Variants in GRXCR2 observed in about 807,000 individuals in gnomAD.
GRXCR2 encodes the protein glutaredoxin and cysteine rich domain containing 2, also known as glutaredoxin domain-containing cysteine-rich protein 2.
GRXCR2 carries 23 observed loss-of-function variants against 24.8 expected under a neutral mutation model. That is an observed-to-expected ratio of 0.93 (90% CI 0.67 to 1.32). GRXCR2 has a LOEUF of 1.32. Among genes scored for constraint, GRXCR2 ranks in the 40% most tolerant of loss-of-function variants. The pLI is 0.00. For missense variants in GRXCR2, 315 were observed against 303.4 expected, an observed-to-expected ratio of 1.04 and a Z score of -0.28; for synonymous variants, 130 against 116.1, an observed-to-expected ratio of 1.12 and a Z score of -0.77.
At chr5:145,882,781 ATC>A (rs1756721617) in intron 2 of GRXCR2, among the ~76,000 whole-genome samples, 1 of 152,188 alleles carries the variant, frequency 6.6e-6, no homozygotes, top group South Asian at 2.1e-4. Context: ...CCAAATGTCC[ATC>A]AGTGATAGAC....
chr5:145,919,323 A>G (rs894601761), intron 2 of GRXCR2, among the ~76,000 whole-genome samples: 1 of 152,218 alleles, frequency 6.6e-6, no homozygotes, highest in South Asian at 2.1e-4. Flanking sequence ...TCCTCCATAG[A>G]AACCACAATT....
At chr5:145,868,726 C>T (rs1398187022) in intron 1 of GRXCR2, among the ~76,000 whole-genome samples, 1 of 152,140 alleles carries the variant, frequency 6.6e-6, no homozygotes, top group Non-Finnish European at 1.5e-5. Flanking sequence ...CTACTCCAAA[C>T]CCCTGTTTCT....
At chr5:145,889,172 A>AAAAGAAAGAAGG (rs1554105331) in intron 2 of GRXCR2, among the ~76,000 whole-genome samples, 1 of 83,984 alleles carries the variant, frequency 1.2e-5, no homozygotes, top group Non-Finnish European at 2.3e-5. Flanking sequence ...CTGTCTCAAA[A>AAAAGAAAGAAGG]AAAGAAAGAA....
intron 2 of GRXCR2, among the ~76,000 whole-genome samples, chr5:145,894,000 C>T (rs1201521662): frequency 6.6e-6 from 1 of 152,204 alleles, no homozygotes; most frequent in Admixed American, 6.5e-5. Context: ...CGCTCAACTA[C>T]ATGGAAACTG....
intron 2 of GRXCR2, among the ~76,000 whole-genome samples, chr5:145,916,302 T>G (rs751135915): frequency 1.3e-5 from 2 of 152,180 alleles, no homozygotes; most frequent in Non-Finnish European, 2.9e-5. Context: ...AAAAAGCTTA[T>G]TATTAGGGGA....
chr5:145,894,462 TC>T (rs1222612006), intron 2 of GRXCR2, among the ~76,000 whole-genome samples: 1 of 152,098 alleles, frequency 6.6e-6, no homozygotes, highest in Non-Finnish European at 1.5e-5. Context: ...TCACCACTGA[TC>T]CCACAGAAAT....
chr5:145,915,075 C>G (rs1291479281), intron 2 of GRXCR2, among the ~76,000 whole-genome samples: 2 of 152,142 alleles, frequency 1.3e-5, no homozygotes, highest in Non-Finnish European at 1.5e-5. Flanking sequence ...CTTAAGTGAT[C>G]TTAACCTACC....
chr5:145,859,720 CA>C lies in GRXCR2; in HGVS notation c.*12del. ...GGAGGGTAAGATAACAGTGGACATGCAAAAGCCACGGGCTATTGATTGCAAA... is the reference window on the plus strand; with the variant it reads ...GGAGGGTAAGATAACAGTGGACATGCAAAGCCACGGGCTATTGATTGCAAA... On this transcript the variant is annotated 3_prime_UTR_variant, in exon 3 of 3. Transcript: ENST00000377976. 4 of 1,613,666 alleles carry C rather than the reference CA, an allele frequency of 2.5e-6. No individual in the cohort carries two copies. Among genetic ancestry groups the C allele is most frequent in the Non-Finnish European group, 3.4e-6 (4 of 1,179,668 alleles).
chr5:145,875,934 C>T (rs1372594619), upstream of GRXCR2, among the ~76,000 whole-genome samples: 1 of 152,014 alleles, frequency 6.6e-6, no homozygotes, highest in Non-Finnish European at 1.5e-5. Flanking sequence ...GAGGCTGAGG[C>T]AGGAGGGTTG....
At chr5:145,894,196 T>C (rs1337915375) in intron 2 of GRXCR2, among the ~76,000 whole-genome samples, 2 of 151,830 alleles carry the variant, frequency 1.3e-5, no homozygotes, top group Non-Finnish European at 2.9e-5. Context: ...GATCTAAAAT[T>C]GACACCCTAA....
intron 1 of GRXCR2, among the ~76,000 whole-genome samples, chr5:145,870,588 T>C (rs188850161): frequency 9.2e-5 from 14 of 152,370 alleles, no homozygotes; most frequent in Non-Finnish European, 1.8e-4. Flanking sequence ...CTTTGAATTA[T>C]TGCACTTAAT....
chr5:145,879,913 G>A (rs910799726), intron 2 of GRXCR2, among the ~76,000 whole-genome samples: 1 of 152,126 alleles, frequency 6.6e-6, no homozygotes, highest in African/African-American at 2.4e-5. Flanking sequence ...ACAACTACAT[G>A]GAAACTGAAC....
At chr5:145,890,856 T>C (rs747856308) in intron 2 of GRXCR2, among the ~76,000 whole-genome samples, 7 of 151,308 alleles carry the variant, frequency 4.6e-5, no homozygotes, top group Non-Finnish European at 5.9e-5. Context: ...AAAAGACTCA[T>C]TGACCTGCTG....
At chr5:145,913,940 A>G (rs754822865) in intron 2 of GRXCR2, among the ~76,000 whole-genome samples, 2 of 152,252 alleles carry the variant, frequency 1.3e-5, no homozygotes, top group Non-Finnish European at 2.9e-5. Flanking sequence ...GCTATGAAAC[A>G]CACTCAGGCG....
intron 2 of GRXCR2, among the ~76,000 whole-genome samples, chr5:145,890,861 C>G (rs1035853346): frequency 4.0e-5 from 6 of 151,482 alleles, no homozygotes; most frequent in Non-Finnish European, 4.4e-5. Context: ...ACTCATTGAC[C>G]TGCTGTCTTC....
intron 2 of GRXCR2, among the ~76,000 whole-genome samples, chr5:145,917,346 TC>T: frequency 6.6e-6 from 1 of 152,230 alleles, no homozygotes; most frequent in East Asian, 1.9e-4. Context: ...TGTTCTGGTC[TC>T]CCCACAGTTG....
chr5:145,901,164 G>C (rs1293103492), intron 2 of GRXCR2, among the ~76,000 whole-genome samples: 1 of 141,160 alleles, frequency 7.1e-6, no homozygotes, highest in Non-Finnish European at 1.5e-5. Flanking sequence ...AAGGAGGGAG[G>C]GGGGCAAGAG....
intron 2 of GRXCR2, among the ~76,000 whole-genome samples, chr5:145,912,664 C>T (rs901593213): frequency 2.1e-4 from 32 of 152,112 alleles, no homozygotes; most frequent in African/African-American, 5.3e-4. Context: ...GCAGTGGAGA[C>T]GCCACAGAAG....
intron 2 of GRXCR2, among the ~76,000 whole-genome samples, chr5:145,889,227 A>G (rs1283927790): frequency 2.0e-5 from 3 of 150,186 alleles, no homozygotes; most frequent in African/African-American, 4.9e-5. Flanking sequence ...AAAGAAAGAA[A>G]GAAAGAAAGA....
Sources: gnomAD v4.1 joint callset for allele counts (sites outside exome capture counted in the v4.1 genomes callset) on GRCh38, gnomAD v4.1.1 for gene constraint, MANE v1.5 for transcripts, NCBI Gene and HGNC (gene_info 2026-07-23, HGNC 2026-07-21) for gene names.